The following PCDHGA9 variants were observed in gnomAD, a reference collection of about 807,000 sequenced individuals.
The protein encoded by PCDHGA9 is protocadherin gamma-A9.
In PCDHGA9, 37 loss-of-function variants were observed where a neutral mutation model predicts 62.5. The ratio of observed to expected loss-of-function variants is 0.59; its 90% CI spans 0.46 to 0.78. The LOEUF is 0.78. PCDHGA9 is among the 30% of genes least tolerant of loss of function. The pLI, the probability that PCDHGA9 is intolerant of heterozygous loss-of-function variation, is 0.00. For missense variants in PCDHGA9, 1,138 were observed against 1,166.2 expected (o/e 0.98, Z 0.35); for synonymous variants, 459 against 484.6 (o/e 0.95, Z 0.69).
chr5:141,422,909 C>T (rs1260941191), intron 1 of PCDHGA9: 1 of 1,614,252 alleles, frequency 6.2e-7, no homozygotes, highest in East Asian at 2.2e-5. Flanking sequence ...GACAATGCGC[C>T]CGAGATCCTG....
chr5:141,498,805 C>T (rs1397026274), intron 2 of PCDHGA9, among the ~76,000 whole-genome samples: 1 of 152,000 alleles, frequency 6.6e-6, no homozygotes, highest in Non-Finnish European at 1.5e-5. Flanking sequence ...TGGTGGTGCA[C>T]ACCTGTAGTC....
intron 1 of PCDHGA9, among the ~76,000 whole-genome samples, chr5:141,467,359 A>G (rs997614051): frequency 1.3e-5 from 2 of 151,714 alleles, no homozygotes; most frequent in African/African-American, 4.8e-5. Context: ...GGCCAAATCA[A>G]CGTTTTCTTA....
intron 1 of PCDHGA9, chr5:141,424,602 T>G (rs2154550827): frequency 6.6e-6 from 1 of 152,334 alleles, no homozygotes; most frequent in African/African-American, 2.4e-5. Flanking sequence ...GTCTACAGAT[T>G]TATTCAAATA....
chr5:141,489,086 G>A lies in PCDHGA9; in HGVS notation c.2425-5721G>A, dbSNP rs2233599. ...CCCCCCTGCCCACCCCCGCCACTCG[G>A]TGACTAAGAACTGCTGCAAGCAGGC... On this transcript the variant is annotated intron_variant, in intron 1 of 3. Coordinates refer to ENST00000573521, the MANE Select transcript of PCDHGA9 (RefSeq NM_018921.3). The surrounding 1 kb of genome is among the most constrained non-coding windows in gnomAD (Gnocchi z 4.5). 2.2e-3 allele frequency: 754 copies of A among 340,206 alleles called. 5 individuals carry two copies. Among genetic ancestry groups the A allele is most frequent in the African/African-American group, 0.018 (712 of 39,726 alleles). 21.1% of individuals were successfully genotyped at this position (340,206 alleles called of 1,614,324 possible).
Position 141,432,701 on chromosome 5 carries a change from G to A in PCDHGA9, c.2424+27325G>A, listed in dbSNP as rs200101512. ...GCAGAGCCTCGTAGTGGCCGTCCAG[G>A]ACCACGGCCAGCCCCCTCTCTCCGC... On this transcript the variant is annotated intron_variant, in intron 1 of 3. Coordinates refer to ENST00000573521, the MANE Select transcript of PCDHGA9 (RefSeq NM_018921.3). This position sits in a 1 kb window ranked among gnomAD's most constrained non-coding sequence, Gnocchi z 6.0. The A allele has an allele frequency of 2.7e-5, 44 of 1,613,842 alleles. No homozygotes were observed. The Admixed American group carries it at 5.3e-4, about 20-fold the overall frequency.
chr5:141,419,415 C>A, intron 1 of PCDHGA9: 2 of 1,613,434 alleles, frequency 1.2e-6, no homozygotes, highest in Non-Finnish European at 1.7e-6. Flanking sequence ...GCGCAGCGCG[C>A]CTTCGACCAC....
chr5:141,456,463 G>A (rs1195450847), intron 1 of PCDHGA9, among the ~76,000 whole-genome samples: 1 of 152,122 alleles, frequency 6.6e-6, no homozygotes, highest in Non-Finnish European at 1.5e-5. Context: ...ATCAATACAA[G>A]ACATATAAGC....
intron 1 of PCDHGA9, among the ~76,000 whole-genome samples, chr5:141,429,387 T>TAA (rs11410533): frequency 2.6e-5 from 4 of 151,334 alleles, no homozygotes; most frequent in African/African-American, 4.9e-5. Flanking sequence ...GTTTTTTTTT[T>TAA]AAAAAAAATT....
At chr5:141,421,994 T>A (rs765586654) in intron 1 of PCDHGA9, 3 of 1,608,922 alleles carry the variant, frequency 1.9e-6, no homozygotes, top group Non-Finnish European at 2.5e-6. Flanking sequence ...CCAGAAAACA[T>A]CAGCTCCGGA....
chr5:141,441,627 G>C (rs1239011684), intron 1 of PCDHGA9: 1 of 223,512 alleles, frequency 4.5e-6, no homozygotes, highest in Non-Finnish European at 9.0e-6. Context: ...CAGTGACCTG[G>C]AGCCACAGGC....
At chr5:141,478,019 C>T in intron 1 of PCDHGA9, 1 of 1,614,136 alleles carries the variant, frequency 6.2e-7, no homozygotes, top group Non-Finnish European at 8.5e-7. Flanking sequence ...CCGTCCAGTC[C>T]AAGACACAGA....
chr5:141,468,348 A>C (rs962230735), intron 1 of PCDHGA9: 2 of 150,318 alleles, frequency 1.3e-5, no homozygotes, highest in African/African-American at 4.9e-5. Context: ...AAAAAAAAAA[A>C]AGAAAGAAAA....
Position 141,489,552 on chromosome 5 carries a change from G to T in PCDHGA9, c.2425-5255G>T, listed in dbSNP as rs2099688780. ...GTGGAGCCAGCACCAGCTGCCTGCTGCCAGTGCAGGTGGTGACTGAACACC... is the reference window on the plus strand; with the variant it reads ...GTGGAGCCAGCACCAGCTGCCTGCTTCCAGTGCAGGTGGTGACTGAACACC... On this transcript the variant is annotated intron_variant, in intron 1 of 3. Coordinates refer to ENST00000573521, the MANE Select transcript of PCDHGA9 (RefSeq NM_018921.3). The surrounding 1 kb of genome is among the most constrained non-coding windows in gnomAD (Gnocchi z 4.5). The T allele has an allele frequency of 6.2e-7, 1 of 1,613,988 alleles. No homozygotes were observed. The highest frequency in any genetic ancestry group is 1.7e-5 in the Admixed American group (1 of 60,000).
At chr5:141,433,096 C>A in intron 1 of PCDHGA9, 3 of 1,614,118 alleles carry the variant, frequency 1.9e-6, no homozygotes, top group Non-Finnish European at 2.5e-6. Context: ...CAGACATGCT[C>A]GTCAGCCAGG....
At chr5:141,478,020 A>G (rs1315422039) in intron 1 of PCDHGA9, 2 of 1,613,976 alleles carry the variant, frequency 1.2e-6, no homozygotes, top group Non-Finnish European at 1.7e-6. Flanking sequence ...CGTCCAGTCC[A>G]AGACACAGAT....
chr5:141,433,460 T>C (rs892333304), intron 1 of PCDHGA9, among the ~76,000 whole-genome samples: 1 of 152,064 alleles, frequency 6.6e-6, no homozygotes, highest in Non-Finnish European at 1.5e-5. Context: ...GATCTGAAAC[T>C]TGGGCTCAGG....
At position 141,421,262 on chromosome 5, in the gene PCDHGA9, G is replaced by GGCT. The variant is rs748368476; in HGVS notation, c.2424+15900_2424+15902dup. 2.6e-5 allele frequency: 42 copies of GGCT among 1,609,594 alleles called. No homozygotes were observed. The Admixed American group carries it at 3.2e-4, about 12-fold the overall frequency. On this transcript the variant is annotated intron_variant, in intron 1 of 3. Coordinates refer to ENST00000573521, the MANE Select transcript of PCDHGA9 (RefSeq NM_018921.3). ...CGGCTACAGCGCGGGGACCGCAGTC[G>GGCT]GCTGCTGCTGCTGCTGTGCATTTTC...
Position 141,476,512 on chromosome 5 carries a change from T to C in PCDHGA9, c.2425-18295T>C, listed in dbSNP as rs1171240377. ...TGATCCAGGACATCAACGACAACAA[T>C]CCTGCTTTCCCTACCCAGGAAATGA... On this transcript the variant is annotated intron_variant, in intron 1 of 3. Transcript: ENST00000573521. This position sits in a 1 kb window ranked among gnomAD's most constrained non-coding sequence, Gnocchi z 7.6. The C allele has an allele frequency of 6.2e-7, 1 of 1,613,642 alleles. No homozygotes were observed. Among genetic ancestry groups the C allele is most frequent in the Non-Finnish European group, 8.5e-7 (1 of 1,179,940 alleles).
rs111263562 is a variant in PCDHGA9, at chr5:141,487,812, T to C, written c.2425-6995T>C. The C allele has an allele frequency of 1.1e-4, 148 of 1,408,204 alleles. 1 individual carries two copies. Among genetic ancestry groups the C allele is most frequent in the South Asian group, 1.6e-4 (12 of 73,988 alleles). The allele number at this position is 1,408,204 out of a possible 1,614,324, so 87.2% of individuals were successfully genotyped here. On this transcript the variant is annotated intron_variant, in intron 1 of 3. Coordinates refer to ENST00000573521, the MANE Select transcript of PCDHGA9 (RefSeq NM_018921.3). The surrounding 1 kb of genome is among the most constrained non-coding windows in gnomAD (Gnocchi z 5.0). ...TAACCAGAGTTGTCACAGTTTAGCA[T>C]TGGGGGCGGGTCATGCCTATATCTG...
Sources: gnomAD v4.1 joint callset for allele counts (sites outside exome capture counted in the v4.1 genomes callset) on GRCh38, gnomAD v4.1.1 for gene constraint, Gnocchi (gnomAD v3.1) non-coding constraint, MANE v1.5 for transcripts, NCBI Gene and HGNC (gene_info 2026-07-23, HGNC 2026-07-21) for gene names.